EXPH5: variants seen among roughly 807,000 people sequenced by gnomAD.
The protein encoded by EXPH5 is exophilin-5.
A neutral mutation model predicts 41.1 loss-of-function variants in EXPH5; 42 were observed. The ratio of observed to expected loss-of-function variants is 1.02; its 90% CI spans 0.80 to 1.32. The LOEUF is 1.32. Ranked by LOEUF, EXPH5 falls within the 40% of genes most tolerant of loss-of-function variation. EXPH5 has a pLI of 0.00. For missense variants in EXPH5, 2,298 were observed against 2,314.5 expected (o/e 0.99, Z 0.15); for synonymous variants, 798 against 833.5 (o/e 0.96, Z 0.73).
At chr11:108,515,575 C>T (rs750526800) in intron 5 of EXPH5, among the ~76,000 whole-genome samples, 3 of 148,758 alleles carry the variant, frequency 2.0e-5, no homozygotes, top group East Asian at 1.9e-4. Flanking sequence ...GAGTCCTAAA[C>T]GCTTAATATA....
upstream of EXPH5, among the ~76,000 whole-genome samples, chr11:108,598,283 C>T (rs1019747749): frequency 6.6e-6 from 1 of 152,074 alleles, no homozygotes; most frequent in Non-Finnish European, 1.5e-5. Flanking sequence ...TCTTTTTGAA[C>T]CTTCATCTTC....
At chr11:108,581,318 A>AAT (rs71471729) in intron 1 of EXPH5, among the ~76,000 whole-genome samples, 4 of 151,802 alleles carry the variant, frequency 2.6e-5, no homozygotes, top group East Asian at 1.9e-4. Context: ...AAAAGAAAAA[A>AAT]ATATATATAT....
At chr11:108,561,580 C>T (rs941531501) in intron 1 of EXPH5, among the ~76,000 whole-genome samples, 12 of 152,210 alleles carry the variant, frequency 7.9e-5, no homozygotes, top group Non-Finnish European at 1.6e-4. Flanking sequence ...TGCTTTGCCT[C>T]GTGGGATCCA....
At chr11:108,553,742 T>A (rs913594766) in intron 1 of EXPH5, among the ~76,000 whole-genome samples, 6 of 152,184 alleles carry the variant, frequency 3.9e-5, no homozygotes, top group Non-Finnish European at 7.4e-5. Context: ...AATAAATGAG[T>A]TCTACCAACT....
In EXPH5 at chr11:108,510,448, C is replaced by A; in HGVS notation, c.5059G>T (p.Val1687Phe). The A allele has an allele frequency of 1.2e-6, 2 of 1,613,926 alleles. No homozygotes were observed. Among genetic ancestry groups the A allele is most frequent in the Non-Finnish European group, 1.7e-6 (2 of 1,179,964 alleles). The change falls in exon 6 of 6, where the codon GTC becomes TTC. Residue 1687 changes from valine to phenylalanine, a missense_variant. By Grantham distance (50) the Val-to-Phe change is conservative. Transcript: ENST00000265843. The stretch of plus-strand genomic sequence containing the variant: ...ATGCTGTTAGACTTCTGGTTGCTGA[C>A]GTGTGTAGAAGGTTCTCTGTTGGGT... ...VLPNREPSTH[V>F]SNQKSNSISQ...
At chr11:108,607,156 C>T in the EXPH5 span, among the ~76,000 whole-genome samples, 1 of 152,120 alleles carries the variant, frequency 6.6e-6, no homozygotes, top group Non-Finnish European at 1.5e-5. Flanking sequence ...GGAAAAGAGA[C>T]AAGAGCTTTG....
At chr11:108,568,229 G>C (rs533212500) in intron 1 of EXPH5, 2 of 151,042 alleles carry the variant, frequency 1.3e-5, no homozygotes, top group African/African-American at 4.9e-5. Flanking sequence ...TTTTTGCTTA[G>C]AATAGGAGAG....
At chr11:108,550,886 C>A (rs1350492886) in intron 1 of EXPH5, among the ~76,000 whole-genome samples, 1 of 152,080 alleles carries the variant, frequency 6.6e-6, no homozygotes, top group African/African-American at 2.4e-5. Flanking sequence ...TTGAAGACAT[C>A]TTCCAGTCTA....
chr11:108,522,641 T>C (rs1222227225), intron 4 of EXPH5, among the ~76,000 whole-genome samples: 2 of 152,152 alleles, frequency 1.3e-5, no homozygotes, highest in East Asian at 1.9e-4. Context: ...ACACAGGTCA[T>C]AGAGCTTCTG....
the EXPH5 span, among the ~76,000 whole-genome samples, chr11:108,602,790 T>C: frequency 2.0e-5 from 3 of 152,234 alleles, no homozygotes; most frequent in African/African-American, 7.2e-5. Flanking sequence ...CAATACTTAC[T>C]GCAAATACTA....
At chr11:108,522,268 A>G (rs1565790386) in intron 4 of EXPH5, among the ~76,000 whole-genome samples, 1 of 152,024 alleles carries the variant, frequency 6.6e-6, no homozygotes, top group Non-Finnish European at 1.5e-5. Context: ...TCACTACCCT[A>G]TAGACTTCTA....
intron 1 of EXPH5, among the ~76,000 whole-genome samples, chr11:108,589,934 A>G (rs1464976399): frequency 6.6e-6 from 1 of 152,240 alleles, no homozygotes; most frequent in East Asian, 1.9e-4. Context: ...TGTTTAGTAC[A>G]GTGCCTAGTA....
rs542867149 is a variant in EXPH5, at chr11:108,582,694, C to T, written c.119+10724G>A. ...CGACTTGAACAACAGACATGTTTCACAGTTTTGGAGGCTGGAGGTCAAGGT... is the reference window on the plus strand; with the variant it reads ...CGACTTGAACAACAGACATGTTTCATAGTTTTGGAGGCTGGAGGTCAAGGT... On this transcript the variant is annotated intron_variant, in intron 1 of 5. Coordinates refer to ENST00000265843, the MANE Select transcript of EXPH5 (RefSeq NM_015065.3). Among the ~76,000 whole-genome samples the T allele has an allele frequency of 1.1e-4, 16 of 152,310 alleles. No individual in the cohort carries two copies. In the South Asian group the frequency reaches 2.5e-3, roughly 24 times the overall value.
intron 1 of EXPH5, among the ~76,000 whole-genome samples, chr11:108,586,443 C>A (rs2094113065): frequency 8.5e-6 from 1 of 117,160 alleles, no homozygotes; most frequent in Non-Finnish European, 1.8e-5. Context: ...TTTCCTCCCT[C>A]CCCCATCCCC....
the EXPH5 span, among the ~76,000 whole-genome samples, chr11:108,601,352 A>G: frequency 6.6e-6 from 1 of 152,248 alleles, no homozygotes; most frequent in African/African-American, 2.4e-5. Flanking sequence ...ACTTCAGTTA[A>G]TAGTCATAGG....
At chr11:108,520,864 C>A (rs749317862) in intron 4 of EXPH5, among the ~76,000 whole-genome samples, 22 of 152,212 alleles carry the variant, frequency 1.4e-4, no homozygotes, top group Non-Finnish European at 2.4e-4. Context: ...CCACCTCGCC[C>A]AGCTATTATT....
At chr11:108,597,735 G>C (rs1258804612), upstream of EXPH5, among the ~76,000 whole-genome samples, 1 of 151,918 alleles carries the variant, frequency 6.6e-6, no homozygotes. Context: ...TGATACAATA[G>C]GGAAGGAAAA....
chr11:108,583,327 G>A (rs970854970), intron 1 of EXPH5, among the ~76,000 whole-genome samples: 1 of 151,150 alleles, frequency 6.6e-6, no homozygotes, highest in African/African-American at 2.4e-5. Context: ...AGCTGAGATC[G>A]CACGACTGCA....
At chr11:108,593,839 C>CGGG, upstream of EXPH5, 1 of 1,200,562 alleles carries the variant, frequency 8.3e-7, no homozygotes, top group South Asian at 1.3e-5. Context: ...CCTCCCTCGT[C>CGGG]CCCTCCCTCG....
Sources: gnomAD v4.1 joint callset for allele counts (sites outside exome capture counted in the v4.1 genomes callset) on GRCh38, gnomAD v4.1.1 for gene constraint, MANE v1.5 for transcripts, NCBI Gene and HGNC (gene_info 2026-07-23, HGNC 2026-07-21) for gene names.